Variants in RPAP3 observed in about 807,000 individuals in gnomAD.
RPAP3 encodes RNA polymerase II associated protein 3.
RPAP3 carries 58 observed loss-of-function variants against 88.8 expected under a neutral mutation model. The ratio of observed to expected loss-of-function variants is 0.65; its 90% CI spans 0.53 to 0.81. The LOEUF (loss-of-function observed/expected upper bound fraction) is 0.81, where lower values mean the gene tolerates loss of function less well. RPAP3 is among the 40% of genes least tolerant of loss of function. The pLI is 0.00. For missense variants in RPAP3, 751 were observed against 764.3 expected, an observed-to-expected ratio of 0.98 and a Z score of 0.20; for synonymous variants, 255 against 259.9, an observed-to-expected ratio of 0.98 and a Z score of 0.18.
At chr12:47,681,173 T>A (rs1006091737) in intron 10 of RPAP3, among the ~76,000 whole-genome samples, 1 of 152,106 alleles carries the variant, frequency 6.6e-6, no homozygotes, top group African/African-American at 2.4e-5. Context: ...TTCCACTAAT[T>A]ACCTGCTAAT....
In RPAP3 at chr12:47,670,237, C is replaced by A. The variant is rs1565713635; in HGVS notation, c.1396G>T (p.Ala466Ser). 1.9e-6 allele frequency: 3 copies of A among 1,613,360 alleles called. No homozygotes were observed. Among genetic ancestry groups the A allele is most frequent in the Non-Finnish European group, 2.5e-6 (3 of 1,179,390 alleles). ...GTGCCTGTGGCTGCTATTACATTTG[C>A]TAGATTAATAGGATTATTCTCTGGA... Reference protein sequence around the residue: ...AAPENNPINLANVIAATGTTS... With the variant: ...AAPENNPINLSNVIAATGTTS... The change falls in exon 13 of 17, where the codon GCA (alanine) becomes TCA (serine). Residue 466 changes from alanine (A) to serine (S), a missense_variant. Coordinates refer to ENST00000005386, the MANE Select transcript of RPAP3 (RefSeq NM_024604.3).
At chr12:47,682,584 T>C (rs909422705) in intron 9 of RPAP3, among the ~76,000 whole-genome samples, 2 of 151,674 alleles carry the variant, frequency 1.3e-5, no homozygotes, top group African/African-American at 2.4e-5. Flanking sequence ...GAAACAAATA[T>C]GACCAAAAAA....
At chr12:47,703,656 G>T (rs1939703860) in intron 1 of RPAP3, among the ~76,000 whole-genome samples, 1 of 152,148 alleles carries the variant, frequency 6.6e-6, no homozygotes, top group Non-Finnish European at 1.5e-5. Context: ...TTTCAAAGGG[G>T]CCCGCCAAGT....
rs188684427 is a variant in RPAP3, at chr12:47,682,803, G to A, written c.993-986C>T. Among the ~76,000 whole-genome samples, 92 of 152,058 alleles carry A rather than the reference G, an allele frequency of 6.1e-4. 1 individual carries two copies. The highest frequency in any genetic ancestry group is 1.0e-3 in the Non-Finnish European group (68 of 67,990). ...ATTTCGAATGAACTTAAACATCTCTGATTTATTTAACTCACTTTCCAGCAA... is the reference window on the plus strand; with the variant it reads ...ATTTCGAATGAACTTAAACATCTCTAATTTATTTAACTCACTTTCCAGCAA... On this transcript the variant is annotated intron_variant, in intron 9 of 16. Coordinates refer to ENST00000005386, the MANE Select transcript of RPAP3 (RefSeq NM_024604.3).
At chr12:47,679,165 G>T (rs148261260) in intron 12 of RPAP3, among the ~76,000 whole-genome samples, 1 of 152,216 alleles carries the variant, frequency 6.6e-6, no homozygotes, top group South Asian at 2.1e-4. Flanking sequence ...ACCAAACACC[G>T]CATGTTCTCA....
In RPAP3 at chr12:47,679,717, G is replaced by C. The variant is rs1592474860; in HGVS notation, c.1172C>G (p.Ser391Cys). The change falls in exon 11 of 17, where the codon TCC becomes TGC. Residue 391 changes from serine (S) to cysteine (C), a missense_variant. Transcript: ENST00000005386. ...AGAATACATTACCTTTTTAATTTTG[G>C]AGAGTTCAGTTACTGCTTGCTTATT... ...PGNKQAVTELSKIKKELIEKG... is the reference protein window; with the variant it reads ...PGNKQAVTELCKIKKELIEKG... 1 of 1,604,238 alleles carries C rather than the reference G, an allele frequency of 6.2e-7. No individual in the cohort carries two copies. The highest frequency in any genetic ancestry group is 1.3e-5 in the African/African-American group (1 of 74,704).
intron 9 of RPAP3, among the ~76,000 whole-genome samples, chr12:47,682,146 T>TA (rs1480121656): frequency 6.6e-6 from 1 of 152,138 alleles, no homozygotes; most frequent in Non-Finnish European, 1.5e-5. Flanking sequence ...TATGCACAGG[T>TA]ATTACATTAG....
intron 4 of RPAP3, among the ~76,000 whole-genome samples, chr12:47,696,817 A>G (rs528004059): frequency 3.9e-5 from 6 of 152,214 alleles, no homozygotes; most frequent in Non-Finnish European, 8.8e-5. Context: ...CTAATCAACT[A>G]TTTGTATTAT....
intron 10 of RPAP3, among the ~76,000 whole-genome samples, chr12:47,680,111 T>C (rs1939195133): frequency 6.6e-6 from 1 of 152,128 alleles, no homozygotes; most frequent in African/African-American, 2.4e-5. Context: ...GAGAATTACA[T>C]ACAACAAAGT....
chr12:47,665,738 TGAAAC>T lies in RPAP3; in HGVS notation c.1912+1237_1912+1241del, dbSNP rs908549681. ...TCACTGCAGCCTCAACCTTCCGTGC[TGAAAC>T]GATTCTCCCACCTCAGCCCCCCTAG... On this transcript the variant is annotated intron_variant, in intron 16 of 16. Transcript: ENST00000005386. Among the ~76,000 whole-genome samples the T allele has an allele frequency of 1.8e-4, 27 of 152,232 alleles. No homozygotes were observed. In the Middle Eastern group the frequency reaches 0.014, roughly 77 times the overall value.
chr12:47,666,885 T>C, intron 16 of RPAP3, 95 bp downstream of exon 16: 1 of 467,436 alleles, frequency 2.1e-6, no homozygotes, highest in Middle Eastern at 4.3e-4. Context: ...TATAACCTTA[T>C]ACACAATAAG....
chr12:47,683,484 A>G (rs1939266016), intron 9 of RPAP3, among the ~76,000 whole-genome samples: 1 of 152,226 alleles, frequency 6.6e-6, no homozygotes, highest in Non-Finnish European at 1.5e-5. Context: ...AAATCATTTT[A>G]ATTGTATATT....
At chr12:47,684,239 A>G (rs1373886310) in intron 9 of RPAP3, among the ~76,000 whole-genome samples, 2 of 152,210 alleles carry the variant, frequency 1.3e-5, no homozygotes, top group African/African-American at 4.8e-5. Context: ...CTCCCAATGC[A>G]AACTACTAAT....
intron 6 of RPAP3, among the ~76,000 whole-genome samples, 157 bp downstream of exon 6, chr12:47,690,361 T>A (rs1025920886): frequency 3.3e-5 from 5 of 152,174 alleles, no homozygotes; most frequent in African/African-American, 1.2e-4. Flanking sequence ...GCATTCTTTC[T>A]TAAAAACATC....
At chr12:47,701,881 C>T (rs536933169) in intron 2 of RPAP3, among the ~76,000 whole-genome samples, 17 of 152,112 alleles carry the variant, frequency 1.1e-4, no homozygotes, top group African/African-American at 3.9e-4. Context: ...ATTCAAACTT[C>T]AAAAACGACC....
chr12:47,688,347 G>A (rs369530529), intron 7 of RPAP3, among the ~76,000 whole-genome samples: 87 of 151,776 alleles, frequency 5.7e-4, no homozygotes, highest in African/African-American at 1.9e-3. Context: ...ACATTGGGGT[G>A]GGGAGGGGAG....
In RPAP3 at chr12:47,700,549, C is replaced by T. The variant is rs1939635724; in HGVS notation, c.294+915G>A. Reference sequence around the variant, plus strand: ...ATCACATCCCCCAACATACATACCCCTAACCACATCAACCCTTAAAGTAGA... The same window carrying T: ...ATCACATCCCCCAACATACATACCCTTAACCACATCAACCCTTAAAGTAGA... On this transcript the variant is annotated intron_variant, in intron 3 of 16. Coordinates refer to ENST00000005386, the MANE Select transcript of RPAP3 (RefSeq NM_024604.3). Among the ~76,000 whole-genome samples, 4 of 152,220 alleles carry T rather than the reference C, an allele frequency of 2.6e-5. No individual in the cohort carries two copies. In the South Asian group the frequency reaches 8.3e-4, roughly 32 times the overall value.
At chr12:47,678,326 G>A (rs1230667253) in intron 12 of RPAP3, among the ~76,000 whole-genome samples, 2 of 152,096 alleles carry the variant, frequency 1.3e-5, no homozygotes, top group Admixed American at 6.6e-5. Flanking sequence ...TACCATTCAG[G>A]CCACAGGCAT....
At chr12:47,691,636 T>A (rs1010994222) in intron 5 of RPAP3, among the ~76,000 whole-genome samples, 21 of 152,358 alleles carry the variant, frequency 1.4e-4, no homozygotes, top group Middle Eastern at 6.8e-3. Flanking sequence ...GGCTGCAGAA[T>A]GGATATTGTG....
Sources: allele counts gnomAD v4.1 joint callset (sites outside exome capture counted in the v4.1 genomes callset), GRCh38; gene constraint gnomAD v4.1.1; transcripts MANE v1.5; gene names NCBI Gene and HGNC (gene_info 2026-07-23, HGNC 2026-07-21).